MAP3K10: variants seen among roughly 807,000 people sequenced by gnomAD.
MAP3K10 encodes the protein mitogen-activated protein kinase kinase kinase 10.
Under a neutral mutation model 75.0 loss-of-function variants are expected in MAP3K10, and 22 were observed. The ratio of observed to expected loss-of-function variants is 0.29; its 90% confidence interval spans 0.21 to 0.42. The LOEUF (loss-of-function observed/expected upper bound fraction) is 0.42, where lower values mean the gene tolerates loss of function less well. Ranked by LOEUF, MAP3K10 falls within the 10% of genes least tolerant of loss-of-function variation. The probability of loss-of-function intolerance (pLI) is 1.00; values close to 1 mark genes in which losing one functional copy is unlikely to be tolerated. For missense variants in MAP3K10, 1,165 were observed against 1,379.8 expected, an observed-to-expected ratio of 0.84 and a Z score of 2.47; for synonymous variants, 599 against 612.9, an observed-to-expected ratio of 0.98 and a Z score of 0.34.
Position 40,191,468 on chromosome 19 carries a change from G to A in MAP3K10, c.-564G>A, listed in dbSNP as rs947596053. 8.6e-5 allele frequency among the ~76,000 whole-genome samples: 13 copies of A among 151,508 alleles called. No individual in the cohort carries two copies. Among genetic ancestry groups the A allele is most frequent in the South Asian group, 2.1e-4 (1 of 4,830 alleles). On this transcript the variant is annotated 5_prime_UTR_variant, in exon 1 of 10. Coordinates refer to ENST00000253055, the MANE Select transcript of MAP3K10 (RefSeq NM_002446.4). ...GGTGGCCCGGGGAAGCAGCACGGGC[G>A]GGGGGCAGGGGCTGGGGCCGACCGG...
Position 40,206,076 on chromosome 19 carries a change from G to T in MAP3K10, c.1354G>T (p.Val452Phe). ...MCQLSQEKPR[V>F]RKRKGNFKRS... is the part of the protein sequence containing the mutation. Reference sequence around the variant, plus strand: ...CCAGCTGAGCCAGGAGAAGCCCCGGGTCCGCAAGCGCAAGGGCAACTTCAA... The same window carrying T: ...CCAGCTGAGCCAGGAGAAGCCCCGGTTCCGCAAGCGCAAGGGCAACTTCAA... The change falls in exon 5 of 10, where the codon GTC becomes TTC. Residue 452 changes from valine (V) to phenylalanine (F), a missense_variant. Coordinates refer to ENST00000253055, the MANE Select transcript of MAP3K10 (RefSeq NM_002446.4). 6.2e-7 allele frequency: 1 copy of T among 1,613,394 alleles called. No individual in the cohort carries two copies. The highest frequency in any genetic ancestry group is 8.5e-7 in the Non-Finnish European group (1 of 1,179,750).
rs757704923 is a variant in MAP3K10 at position 40,206,104 on chromosome 19, G to A, written c.1382G>A (p.Arg461His). ...CGCAAGCGCAAGGGCAACTTCAAGC[G>A]CAGCCGCCTGCTCAAGCTGCGGGAA... ...RVRKRKGNFK[R>H]SRLLKLREGG... The change falls in exon 5 of 10, where the codon CGC becomes CAC. Residue 461 changes from arginine (R) to histidine (H), a missense_variant. Coordinates refer to ENST00000253055, the MANE Select transcript of MAP3K10 (RefSeq NM_002446.4). The A allele has an allele frequency of 1.2e-6, 2 of 1,612,584 alleles. No individual in the cohort carries two copies. Among genetic ancestry groups the A allele is most frequent in the Non-Finnish European group, 1.7e-6 (2 of 1,179,312 alleles).
chr19:40,199,179 T>G (rs1245997352), intron 2 of MAP3K10, among the ~76,000 whole-genome samples: 1 of 152,168 alleles, frequency 6.6e-6, no homozygotes, highest in African/African-American at 2.4e-5. Context: ...GGAAAATGAT[T>G]AATTCACTCA....
intron 2 of MAP3K10, among the ~76,000 whole-genome samples, chr19:40,203,705 G>A (rs944541118): frequency 2.0e-5 from 3 of 152,252 alleles, no homozygotes; most frequent in African/African-American, 7.2e-5. Context: ...GCCTAGCACA[G>A]TGCCTGGCCT....
chr19:40,194,074 A>G lies in MAP3K10; in HGVS notation c.682+1361A>G, dbSNP rs571234235. ...GCCTGACATTTGTATATCAACAGAG[A>G]GCTTGGCTGGGCGCGGTGGCTCACG... On this transcript the variant is annotated intron_variant, in intron 1 of 9. Transcript: ENST00000253055. Among the ~76,000 whole-genome samples, 10 of 152,244 alleles carry G rather than the reference A, an allele frequency of 6.6e-5. No homozygotes were observed. In the East Asian group the frequency reaches 1.9e-3, roughly 29 times the overall value.
chr19:40,204,872 G>A lies in MAP3K10; in HGVS notation c.1012+239G>A, dbSNP rs111963870. ...AACCTGTTAGGATTCCTTGGCCCTG[G>A]GATTCCACCTTGATCCTGATTCCAC... On this transcript the variant is annotated intron_variant, in intron 3 of 9. Coordinates refer to ENST00000253055, the MANE Select transcript of MAP3K10 (RefSeq NM_002446.4). This position sits in a 1 kb window ranked among gnomAD's most constrained non-coding sequence, Gnocchi z 4.3. 3.2e-6 allele frequency: 2 copies of A among 625,172 alleles called. No individual in the cohort carries two copies. The highest frequency in any genetic ancestry group is 1.8e-5 in the African/African-American group (1 of 54,376). The allele number at this position is 625,172 out of a possible 1,614,324, so 38.7% of individuals were successfully genotyped here. A position where few individuals can be genotyped will look rare whatever the true frequency, so the allele number is the denominator to read the frequency against.
At chr19:40,200,992 A>G (rs1973007724) in intron 2 of MAP3K10, among the ~76,000 whole-genome samples, 1 of 151,980 alleles carries the variant, frequency 6.6e-6, no homozygotes, top group African/African-American at 2.4e-5. Flanking sequence ...CATAAACTTC[A>G]GTAACATTCT....
intron 1 of MAP3K10, among the ~76,000 whole-genome samples, chr19:40,197,247 T>C (rs1294457597): frequency 6.6e-6 from 1 of 152,142 alleles, no homozygotes; most frequent in Admixed American, 6.6e-5. Flanking sequence ...GGGCTTGGAA[T>C]TGGCACCCTG....
chr19:40,215,372 G>T lies in MAP3K10; in HGVS notation c.*80G>T, dbSNP rs192185185. 8.3e-6 allele frequency: 11 copies of T among 1,318,964 alleles called. No individual in the cohort carries two copies. Among genetic ancestry groups the T allele is most frequent in the East Asian group, 2.5e-5 (1 of 39,390 alleles). 81.7% of individuals were successfully genotyped at this position (1,318,964 alleles called of 1,614,324 possible). On this transcript the variant is annotated 3_prime_UTR_variant, in exon 10 of 10. Coordinates refer to ENST00000253055, the MANE Select transcript of MAP3K10 (RefSeq NM_002446.4). The stretch of plus-strand genomic sequence containing the variant: ...GCCCCAGCCCGCCATGCCACAAGGT[G>T]GGGGAGGCCCTGGGCAGGATGTTCA...
At chr19:40,200,612 C>CTTTTTTT (rs71171548) in intron 2 of MAP3K10, among the ~76,000 whole-genome samples, 49 of 79,964 alleles carry the variant, frequency 6.1e-4, no homozygotes, top group Non-Finnish European at 9.5e-4. Flanking sequence ...TTTGTGCTAC[C>CTTTTTTT]TTTTTTTTTT....
intron 2 of MAP3K10, among the ~76,000 whole-genome samples, chr19:40,201,492 CT>C (rs36045799): frequency 0.79 from 89,121 of 113,274 alleles, 34,991 homozygotes; most frequent in Middle Eastern, 0.87. Flanking sequence ...CGCACCCAGC[CT>C]TTTTTTTTTT....
At chr19:40,194,137 C>T (rs960603379) in intron 1 of MAP3K10, among the ~76,000 whole-genome samples, 9 of 152,094 alleles carry the variant, frequency 5.9e-5, no homozygotes, top group Admixed American at 5.2e-4. Flanking sequence ...GACGTGGGTG[C>T]ATCACCCGAG....
chr19:40,201,929 CGT>C (rs1973033145), intron 2 of MAP3K10, among the ~76,000 whole-genome samples: 1 of 151,768 alleles, frequency 6.6e-6, no homozygotes, highest in African/African-American at 2.4e-5. Context: ...TGAAGCCCCG[CGT>C]GTGTCAGGTA....
chr19:40,204,654 G>A lies in MAP3K10; in HGVS notation c.1012+21G>A, dbSNP rs757423676. ...GGAGGGTGAGCCGGGGCCCCGTGACGAGGGTAGGCTCAGCTTGGAGTGGCA... is the reference window on the plus strand; with the variant it reads ...GGAGGGTGAGCCGGGGCCCCGTGACAAGGGTAGGCTCAGCTTGGAGTGGCA... On this transcript the variant is annotated intron_variant, in intron 3 of 9. Coordinates refer to ENST00000253055, the MANE Select transcript of MAP3K10 (RefSeq NM_002446.4). This position sits in a 1 kb window ranked among gnomAD's most constrained non-coding sequence, Gnocchi z 4.3. 14 of 1,607,906 alleles carry A rather than the reference G, an allele frequency of 8.7e-6. No individual in the cohort carries two copies. The highest frequency in any genetic ancestry group is 5.0e-5 in the Admixed American group (3 of 59,874).
Position 40,205,985 on chromosome 19 carries a change from G to C in MAP3K10, c.1263G>C (p.Arg421=). 6.2e-7 allele frequency: 1 copy of C among 1,611,026 alleles called. No individual in the cohort carries two copies. Among genetic ancestry groups the C allele is most frequent in the Non-Finnish European group, 8.5e-7 (1 of 1,178,522 alleles). ...EQRFQEEQLR[R]REQELAEREM... ...GCTTCCAGGAGGAGCAGCTGCGGCGGCGGGAGCAGGAGCTGGCAGAACGTG... is the reference window on the plus strand; with the variant it reads ...GCTTCCAGGAGGAGCAGCTGCGGCGCCGGGAGCAGGAGCTGGCAGAACGTG... Residue 421 remains arginine (R), a synonymous_variant, in exon 5 of 10, where the codon CGG becomes CGC. Coordinates refer to ENST00000253055, the MANE Select transcript of MAP3K10 (RefSeq NM_002446.4). The surrounding 1 kb of genome is among the most constrained non-coding windows in gnomAD (Gnocchi z 4.3).
In MAP3K10 at chr19:40,215,058, C is replaced by A. The variant is rs200029351; in HGVS notation, c.2631C>A (p.Arg877=). 862 of 1,606,438 alleles carry A rather than the reference C, an allele frequency of 5.4e-4. 4 individuals carry two copies. In the Middle Eastern group the frequency reaches 5.8e-3, roughly 11 times the overall value. The stretch of plus-strand genomic sequence containing the variant: ...GCCGGCCCCCTGAGTTCCCAGGCCG[C>A]CCCACCACCCTGACCTTTGCCCCGA... ...ARRRPPEFPG[R]PTTLTFAPRP... is the part of the protein sequence containing the mutation. Residue 877 remains arginine (R), a synonymous_variant, in exon 10 of 10, where the codon CGC becomes CGA. Transcript: ENST00000253055.
Position 40,213,324 on chromosome 19 carries a change from T to TG in MAP3K10, c.1837+140dup. The TG allele has an allele frequency of 6.9e-7, 1 of 1,450,618 alleles. No individual in the cohort carries two copies. The highest frequency in any genetic ancestry group is 1.4e-5 in the South Asian group (1 of 69,356). 89.9% of individuals were successfully genotyped at this position (1,450,618 alleles called of 1,614,324 possible). A position where few individuals can be genotyped will look rare whatever the true frequency, so the allele number is the denominator to read the frequency against. ...TCCTGGGAAGGGAGATGGTGGCCCC[T>TG]GGGGCGTGGGGGGTCATTTCCAGGG... On this transcript the variant is annotated intron_variant, in intron 8 of 9. Transcript: ENST00000253055. This position sits in a 1 kb window ranked among gnomAD's most constrained non-coding sequence, Gnocchi z 5.7.
chr19:40,204,919 C>A lies in MAP3K10; in HGVS notation c.1013-202C>A. On this transcript the variant is annotated intron_variant, in intron 3 of 9. Coordinates refer to ENST00000253055, the MANE Select transcript of MAP3K10 (RefSeq NM_002446.4). The surrounding 1 kb of genome is among the most constrained non-coding windows in gnomAD (Gnocchi z 4.3). ...CCACTACCAGCCCCTCCTCGGGGTG[C>A]AGGTCCCAGGGTTTCTCTCCCAGCG... The A allele has an allele frequency of 1.6e-6, 1 of 627,984 alleles. No homozygotes were observed. 38.9% of individuals were successfully genotyped at this position (627,984 alleles called of 1,614,324 possible).
At chr19:40,214,344 A>G (rs1326153388) in intron 9 of MAP3K10, 123 bp downstream of exon 9, 1 of 1,175,922 alleles carries the variant, frequency 8.5e-7, no homozygotes. Context: ...TGGAGGAGGG[A>G]GGGTCTGTGT....
Sources: allele counts gnomAD v4.1 joint callset (sites outside exome capture counted in the v4.1 genomes callset), GRCh38; gene constraint gnomAD v4.1.1; non-coding constraint Gnocchi (gnomAD v3.1); transcripts MANE v1.5; gene names NCBI Gene and HGNC (gene_info 2026-07-23, HGNC 2026-07-21).